Variants in ZNRF3 observed in about 807,000 individuals in gnomAD.
ZNRF3 encodes the protein zinc and ring finger 3.
A neutral mutation model predicts 72.5 loss-of-function variants in ZNRF3; 23 were observed. The ratio of observed to expected loss-of-function variants is 0.32; its 90% CI spans 0.23 to 0.45. The LOEUF (loss-of-function observed/expected upper bound fraction) is 0.45. ZNRF3 is among the 20% of genes least tolerant of loss of function. ZNRF3 has a pLI of 1.00. For missense variants in ZNRF3, 1,169 were observed against 1,272.1 expected (o/e 0.92, Z 1.23); for synonymous variants, 610 against 545.3 (o/e 1.12, Z -1.65).
intron 1 of ZNRF3, among the ~76,000 whole-genome samples, chr22:28,929,968 A>G (rs973420951): frequency 2.0e-5 from 3 of 152,244 alleles, no homozygotes; most frequent in Non-Finnish European, 4.4e-5. Context: ...GAGAAAAAAT[A>G]GAAATAAAAA....
At chr22:28,893,145 C>T (rs1387361653) in intron 1 of ZNRF3, among the ~76,000 whole-genome samples, 1 of 151,736 alleles carries the variant, frequency 6.6e-6, no homozygotes, top group African/African-American at 2.4e-5. Context: ...CCAGCCTGAG[C>T]GACTGAGCGA....
chr22:28,884,063 G>T lies in ZNRF3; in HGVS notation c.297G>T (p.Val99=), dbSNP rs1161861168. 4.2e-5 allele frequency: 53 copies of T among 1,253,970 alleles called. No individual in the cohort carries two copies. Among genetic ancestry groups the T allele is most frequent in the Non-Finnish European group, 5.1e-5 (50 of 979,836 alleles). The allele number at this position is 1,253,970 out of a possible 1,614,324, so 77.7% of individuals were successfully genotyped here. A position where few individuals can be genotyped will look rare whatever the true frequency, so the allele number is the denominator to read the frequency against. ...CGCTCAGCGCCGAGGGCGAGATCGT[G>T]CAGGTAGCTGCCCGCCGCCCGGGCC... The part of the protein sequence containing the change: ...GATLSAEGEI[V]QMHPLGLCNN... Residue 99 remains valine, a synonymous_variant, in exon 1 of 9, where the codon GTG becomes GTT. Transcript: ENST00000544604.
At chr22:28,921,956 C>T (rs777950649) in intron 1 of ZNRF3, among the ~76,000 whole-genome samples, 5 of 152,076 alleles carry the variant, frequency 3.3e-5, no homozygotes, top group African/African-American at 4.8e-5. Context: ...AGAAGTGTTT[C>T]GGATTTTGGA....
At chr22:28,907,037 C>A (rs1208357573) in intron 1 of ZNRF3, among the ~76,000 whole-genome samples, 1 of 149,240 alleles carries the variant, frequency 6.7e-6, no homozygotes, top group Non-Finnish European at 1.5e-5. Context: ...GGCTGGAGTG[C>A]AGGGGCACCA....
rs369774366 is a variant in ZNRF3, at chr22:28,900,835, C to T, written c.300+16769C>T. On this transcript the variant is annotated intron_variant, in intron 1 of 8. Transcript: ENST00000544604. ...CTATTTAACATTTTTCAGCTGGGTGCGGTGGCTTACACCTATAATACCAGC... is the reference window on the plus strand; with the variant it reads ...CTATTTAACATTTTTCAGCTGGGTGTGGTGGCTTACACCTATAATACCAGC... Among the ~76,000 whole-genome samples the T allele has an allele frequency of 6.6e-5, 10 of 152,226 alleles. No homozygotes were observed. In the East Asian group the frequency reaches 9.7e-4, roughly 15 times the overall value.
At chr22:29,016,182 G>A (rs567353319) in intron 2 of ZNRF3, among the ~76,000 whole-genome samples, 2 of 152,250 alleles carry the variant, frequency 1.3e-5, no homozygotes, top group South Asian at 4.1e-4. Flanking sequence ...ACAGTGTATC[G>A]ACCTCATGTT....
At chr22:29,015,938 C>G (rs2036422465) in intron 2 of ZNRF3, among the ~76,000 whole-genome samples, 1 of 151,522 alleles carries the variant, frequency 6.6e-6, no homozygotes, top group African/African-American at 2.4e-5. Context: ...ATCGCTTGAA[C>G]CCAGGAGGCT....
At chr22:29,028,852 G>A (rs973085995) in intron 2 of ZNRF3, among the ~76,000 whole-genome samples, 1 of 152,206 alleles carries the variant, frequency 6.6e-6, no homozygotes, top group Non-Finnish European at 1.5e-5. Context: ...CAGGGGGGCC[G>A]TGCTTTAAGG....
In ZNRF3 at chr22:29,042,489, T is replaced by C; in HGVS notation, c.427-6T>C. The stretch of plus-strand genomic sequence containing the variant: ...GGCCAACCTGCTGTTTTTTTAACTC[T>C]GGCAGGCCAAGCGAGCAGTACAGCG... On this transcript the variant is annotated splice_region_variant and splice_polypyrimidine_tract_variant and intron_variant, in intron 2 of 8. Transcript: ENST00000544604. The C allele has an allele frequency of 1.2e-6, 2 of 1,613,846 alleles. No individual in the cohort carries two copies. Among genetic ancestry groups the C allele is most frequent in the Non-Finnish European group, 1.7e-6 (2 of 1,179,980 alleles).
At chr22:29,006,463 C>A (rs879914389) in intron 2 of ZNRF3, among the ~76,000 whole-genome samples, 1 of 152,134 alleles carries the variant, frequency 6.6e-6, no homozygotes, top group African/African-American at 2.4e-5. Context: ...CTGCCTGCCT[C>A]GTCCTCCGAA....
intron 2 of ZNRF3, among the ~76,000 whole-genome samples, chr22:29,034,768 G>C (rs1389228822): frequency 6.6e-6 from 1 of 152,106 alleles, no homozygotes; most frequent in Non-Finnish European, 1.5e-5. Context: ...CTTCCTTATT[G>C]ACTCTCCTGG....
At chr22:28,886,015 G>T (rs2033779710) in intron 1 of ZNRF3, among the ~76,000 whole-genome samples, 1 of 152,046 alleles carries the variant, frequency 6.6e-6, no homozygotes, top group Admixed American at 6.6e-5. Flanking sequence ...TCACTAATAG[G>T]TGTCCTTAAT....
chr22:28,912,222 C>G (rs1311542482), intron 1 of ZNRF3, among the ~76,000 whole-genome samples: 2 of 152,168 alleles, frequency 1.3e-5, no homozygotes, highest in Non-Finnish European at 2.9e-5. Flanking sequence ...ATTGCCTGCT[C>G]TGGCCAGAAC....
intron 8 of ZNRF3, among the ~76,000 whole-genome samples, chr22:29,051,617 A>T (rs1431220959): frequency 6.6e-6 from 1 of 150,600 alleles, no homozygotes; most frequent in African/African-American, 2.4e-5. Flanking sequence ...AAAAAAAAAA[A>T]AAAAAAAGGC....
chr22:28,931,109 A>T (rs776139501), intron 1 of ZNRF3, among the ~76,000 whole-genome samples: 1 of 152,186 alleles, frequency 6.6e-6, no homozygotes, highest in African/African-American at 2.4e-5. Context: ...GGAGGAAAAG[A>T]AGTAGTCATT....
intron 1 of ZNRF3, among the ~76,000 whole-genome samples, chr22:28,894,440 G>GT (rs2033954282): frequency 6.6e-6 from 1 of 151,406 alleles, no homozygotes. Flanking sequence ...CCTTGTAGGT[G>GT]TATCAGAGCA....
chr22:28,900,614 C>T (rs2034083934), intron 1 of ZNRF3, among the ~76,000 whole-genome samples: 2 of 152,164 alleles, frequency 1.3e-5, no homozygotes, highest in Admixed American at 1.3e-4. Flanking sequence ...GGTTCAACAG[C>T]TCAGGCAGTC....
intron 1 of ZNRF3, among the ~76,000 whole-genome samples, chr22:28,916,819 T>G (rs989686277): frequency 6.6e-6 from 1 of 152,198 alleles, no homozygotes. Flanking sequence ...TTGTAAGTCC[T>G]GACTGATAGT....
chr22:28,921,064 C>T (rs1197231472), intron 1 of ZNRF3, among the ~76,000 whole-genome samples: 1 of 152,214 alleles, frequency 6.6e-6, no homozygotes, highest in South Asian at 2.1e-4. Flanking sequence ...AATGACCAGT[C>T]AGAGGAGTAG....
Sources: allele counts gnomAD v4.1 joint callset (sites outside exome capture counted in the v4.1 genomes callset), GRCh38; gene constraint gnomAD v4.1.1; transcripts MANE v1.5; gene names NCBI Gene and HGNC (gene_info 2026-07-23, HGNC 2026-07-21).